Variants in ZFYVE1 observed in about 807,000 individuals in gnomAD.
ZFYVE1 encodes zinc finger FYVE-type containing 1.
ZFYVE1 carries 30 observed loss-of-function variants against 74.4 expected under a neutral mutation model. The observed-to-expected ratio is 0.40, with a 90% CI of 0.30 to 0.55. ZFYVE1 has a LOEUF of 0.55. Ranked by LOEUF, ZFYVE1 falls within the 20% of genes least tolerant of loss-of-function variation. ZFYVE1 has a pLI of 0.42. For synonymous variants in ZFYVE1, 335 were observed against 385.1 expected (o/e 0.87, Z 1.52); for missense variants, 703 against 1,011.6 (o/e 0.69, Z 4.14).
At chr14:73,005,428 A>G (rs1219694959) in intron 2 of ZFYVE1, among the ~76,000 whole-genome samples, 1 of 152,130 alleles carries the variant, frequency 6.6e-6, no homozygotes, top group African/African-American at 2.4e-5. Flanking sequence ...AGTTGACAAC[A>G]TGTTTGAAAT....
chr14:73,016,641 G>A (rs1166313152), intron 2 of ZFYVE1, among the ~76,000 whole-genome samples: 1 of 151,962 alleles, frequency 6.6e-6, no homozygotes, highest in Non-Finnish European at 1.5e-5. Flanking sequence ...CAGCACTTTG[G>A]GAGGCCGAGG....
chr14:73,024,553 A>C lies in ZFYVE1; in HGVS notation c.-45T>G. ...CACACCCACCATATAATAGTCACTG[A>C]GCTTGCCCCGGGGGTGAAGACGAAG... On this transcript the variant is annotated 5_prime_UTR_variant, in exon 2 of 12. Transcript: ENST00000556143. The C allele has an allele frequency of 6.5e-7, 1 of 1,534,764 alleles. No individual in the cohort carries two copies. Among genetic ancestry groups the C allele is most frequent in the Non-Finnish European group, 8.8e-7 (1 of 1,141,436 alleles).
chr14:73,001,840 C>T (rs1893879644), intron 2 of ZFYVE1, among the ~76,000 whole-genome samples: 1 of 151,630 alleles, frequency 6.6e-6, no homozygotes, highest in Non-Finnish European at 1.5e-5. Flanking sequence ...CCCAGCTACT[C>T]GGGAGGCTGA....
intron 2 of ZFYVE1, among the ~76,000 whole-genome samples, chr14:72,999,547 T>A (rs1893824859): frequency 1.3e-5 from 2 of 151,552 alleles, no homozygotes; most frequent in Admixed American, 6.6e-5. Flanking sequence ...TGATCCAGAC[T>A]GGATGACAAA....
At chr14:72,973,135 G>C (rs920300289) in intron 11 of ZFYVE1, among the ~76,000 whole-genome samples, 1 of 152,084 alleles carries the variant, frequency 6.6e-6, no homozygotes, top group Non-Finnish European at 1.5e-5. Flanking sequence ...AACCTGTGAC[G>C]GCAGCAGACT....
intron 2 of ZFYVE1, among the ~76,000 whole-genome samples, chr14:73,002,749 T>C (rs1332847577): frequency 6.7e-6 from 1 of 150,234 alleles, no homozygotes; most frequent in Non-Finnish European, 1.5e-5. Context: ...TTCTTTTTTT[T>C]TTTTTTTTCT....
intron 4 of ZFYVE1, among the ~76,000 whole-genome samples, chr14:72,982,115 A>C (rs1308783220): frequency 6.6e-6 from 1 of 152,256 alleles, no homozygotes; most frequent in Non-Finnish European, 1.5e-5. Context: ...AAGCAAAGTT[A>C]CTGTTCTCCC....
chr14:73,015,589 A>G (rs1210093380), intron 2 of ZFYVE1, among the ~76,000 whole-genome samples: 2 of 152,046 alleles, frequency 1.3e-5, no homozygotes, highest in East Asian at 1.9e-4. Context: ...TTGCCATGTT[A>G]GCCAGGCTGC....
At chr14:73,016,327 C>G (rs1292535605) in intron 2 of ZFYVE1, among the ~76,000 whole-genome samples, 1 of 152,136 alleles carries the variant, frequency 6.6e-6, no homozygotes, top group African/African-American at 2.4e-5. Context: ...CTGGATAACA[C>G]GGTGAAACCC....
intron 4 of ZFYVE1, among the ~76,000 whole-genome samples, chr14:72,983,363 C>G (rs116852872): frequency 0.13 from 16,841 of 131,334 alleles, 1,168 homozygotes; most frequent in East Asian, 0.21. Flanking sequence ...CCCACCCCAC[C>G]ACAGGCCTCG....
In ZFYVE1 at chr14:73,024,134, A is replaced by G. The variant is rs751798084; in HGVS notation, c.375T>C (p.Asn125=). The G allele has an allele frequency of 6.2e-7, 1 of 1,613,922 alleles. No homozygotes were observed. Among genetic ancestry groups the G allele is most frequent in the Non-Finnish European group, 8.5e-7 (1 of 1,179,974 alleles). The stretch of plus-strand genomic sequence containing the variant: ...CTTCTGCCTCCAGTGACTCCTGGAG[A>G]TTACTGACATTGTACACAGTAACAG... ...RHPVTVYNVS[N]LQESLEAEEM... is the part of the protein sequence containing the mutation. The change falls in exon 2 of 12, where the codon AAT becomes AAC. Residue 125 remains asparagine, a synonymous_variant. Transcript: ENST00000556143.
At chr14:72,989,893 C>G (rs1025627814) in intron 4 of ZFYVE1, among the ~76,000 whole-genome samples, 1 of 151,676 alleles carries the variant, frequency 6.6e-6, no homozygotes, top group Non-Finnish European at 1.5e-5. Context: ...CTGTTTATAC[C>G]CACCCCAACT....
intron 5 of ZFYVE1, among the ~76,000 whole-genome samples, chr14:72,980,343 G>C (rs906221008): frequency 6.6e-6 from 1 of 152,076 alleles, no homozygotes; most frequent in Non-Finnish European, 1.5e-5. Flanking sequence ...AAGACAATTT[G>C]GTAGTGAAGA....
chr14:73,023,260 TTATATATAATATATATTA>T (rs1894364411), intron 2 of ZFYVE1, among the ~76,000 whole-genome samples: 2 of 117,278 alleles, frequency 1.7e-5, no homozygotes, highest in East Asian at 2.2e-4. Context: ...ATTATATGTT[TTATATATAATATATATTA>T]TATATGTTTT....
At chr14:73,006,273 T>C (rs537006538) in intron 2 of ZFYVE1, among the ~76,000 whole-genome samples, 1 of 151,926 alleles carries the variant, frequency 6.6e-6, no homozygotes, top group Non-Finnish European at 1.5e-5. Flanking sequence ...AACTATCTAA[T>C]ATTGTACTAA....
At chr14:72,984,751 C>G (rs183959887) in intron 4 of ZFYVE1, among the ~76,000 whole-genome samples, 1 of 152,310 alleles carries the variant, frequency 6.6e-6, no homozygotes, top group East Asian at 1.9e-4. Flanking sequence ...ACATCACTCT[C>G]TGCCTTCTCT....
At chr14:73,011,322 C>G (rs1012215399) in intron 2 of ZFYVE1, among the ~76,000 whole-genome samples, 1 of 151,838 alleles carries the variant, frequency 6.6e-6, no homozygotes, top group Admixed American at 6.6e-5. Context: ...CCCATCTCTA[C>G]TAACAATACA....
At position 72,969,743 on chromosome 14, in the gene ZFYVE1, C is replaced by CAG. The variant is rs1555530685; in HGVS notation, c.*1137_*1138dup. 2 of 702,550 alleles carry CAG rather than the reference C, an allele frequency of 2.8e-6. No homozygotes were observed. The highest frequency in any genetic ancestry group is 3.5e-5 in the African/African-American group (2 of 57,210). The allele number at this position is 702,550 out of a possible 1,614,324, so 43.5% of individuals were successfully genotyped here. A position where few individuals can be genotyped will look rare whatever the true frequency, so the allele number is the denominator to read the frequency against. On this transcript the variant is annotated 3_prime_UTR_variant, in exon 12 of 12. Coordinates refer to ENST00000556143, the MANE Select transcript of ZFYVE1 (RefSeq NM_021260.4). ...ACGGGCCCTTTCCAGTCATGACAGA[C>CAG]AGAGATGTCCAGGCTCTTGAGGAGA...
chr14:72,995,739 TA>T (rs1408876921), intron 3 of ZFYVE1, among the ~76,000 whole-genome samples: 2 of 152,236 alleles, frequency 1.3e-5, no homozygotes, highest in East Asian at 3.9e-4. Flanking sequence ...CATTTACATG[TA>T]TTATCTTCTA....
Sources: gnomAD v4.1 joint callset for allele counts (sites outside exome capture counted in the v4.1 genomes callset) on GRCh38, gnomAD v4.1.1 for gene constraint, MANE v1.5 for transcripts, NCBI Gene and HGNC (gene_info 2026-07-23, HGNC 2026-07-21) for gene names.